STAT4: variants seen among roughly 807,000 people sequenced by gnomAD.
STAT4 encodes the protein signal transducer and activator of transcription 4.
In STAT4, 42 loss-of-function variants were observed where a neutral mutation model predicts 110.5. The ratio of observed to expected loss-of-function variants is 0.38; its 90% CI spans 0.30 to 0.49. STAT4 has a LOEUF of 0.49. Among genes scored for constraint, STAT4 ranks in the 20% least tolerant of loss-of-function variants. The pLI is 0.95. For missense variants in STAT4, 632 were observed against 887.9 expected (o/e 0.71, Z 3.66); for synonymous variants, 284 against 302.2 (o/e 0.94, Z 0.63).
In STAT4 at chr2:191,031,142, C is replaced by G; in HGVS notation, c.2112-62G>C. The G allele has an allele frequency of 1.3e-6, 2 of 1,533,748 alleles. No individual in the cohort carries two copies. Among genetic ancestry groups the G allele is most frequent in the Non-Finnish European group, 1.8e-6 (2 of 1,109,658 alleles). ...AAAAAATAATAATAGTTCACGGTGA[C>G]TTACTATGTCAGGAACTCATTTCTA... On this transcript the variant is annotated intron_variant, in intron 22 of 23. Coordinates refer to ENST00000392320, the MANE Select transcript of STAT4 (RefSeq NM_003151.4). The surrounding 1 kb of genome is among the most constrained non-coding windows in gnomAD (Gnocchi z 4.8).
At chr2:191,148,928 C>T (rs910356065) in intron 1 of STAT4, among the ~76,000 whole-genome samples, 10 of 152,118 alleles carry the variant, frequency 6.6e-5, no homozygotes, top group Non-Finnish European at 1.0e-4. Flanking sequence ...AGTGGTTAAA[C>T]CCTCAAGTTA....
At chr2:191,074,528 C>G (rs1697257655) in intron 4 of STAT4, among the ~76,000 whole-genome samples, 1 of 152,062 alleles carries the variant, frequency 6.6e-6, no homozygotes, top group South Asian at 2.1e-4. Flanking sequence ...AGCATATACT[C>G]AAACAAACAT....
intron 3 of STAT4, among the ~76,000 whole-genome samples, chr2:191,125,596 T>G (rs1698861774): frequency 1.3e-5 from 2 of 151,764 alleles, no homozygotes; most frequent in South Asian, 2.1e-4. Flanking sequence ...TAAGTTATCC[T>G]ACCACCTCAG....
chr2:191,057,602 C>CTTTTTTT (rs112604744), intron 13 of STAT4, among the ~76,000 whole-genome samples: 5 of 98,580 alleles, frequency 5.1e-5, no homozygotes, highest in African/African-American at 7.6e-5. Context: ...TTTTCTTTTT[C>CTTTTTTT]TTTTTTTTTT....
In STAT4 at chr2:191,146,555, TA is replaced by T; in HGVS notation, c.273+57del. ...AATATAAGGGTACATATTTAATTTT[TA>T]ACTAAATTTAAGACTCATATATCCA... On this transcript the variant is annotated intron_variant, in intron 3 of 23. Transcript: ENST00000392320. This position sits in a 1 kb window ranked among gnomAD's most constrained non-coding sequence, Gnocchi z 4.5. 7.6e-7 allele frequency: 1 copy of T among 1,323,176 alleles called. No homozygotes were observed. Among genetic ancestry groups the T allele is most frequent in the Non-Finnish European group, 9.8e-7 (1 of 1,018,294 alleles). 82.0% of individuals were successfully genotyped at this position (1,323,176 alleles called of 1,614,324 possible).
At chr2:191,088,573 A>G (rs1226255605) in intron 3 of STAT4, among the ~76,000 whole-genome samples, 1 of 152,218 alleles carries the variant, frequency 6.6e-6, no homozygotes, top group African/African-American at 2.4e-5. Context: ...TTTTCTGGAT[A>G]ATGACTAATT....
intron 3 of STAT4, among the ~76,000 whole-genome samples, chr2:191,119,915 T>C (rs1698672090): frequency 6.6e-6 from 1 of 152,188 alleles, no homozygotes; most frequent in Non-Finnish European, 1.5e-5. Flanking sequence ...GGGATGATCA[T>C]TTCAAGAAAT....
In STAT4 at chr2:191,150,351, A is replaced by C. The variant is rs1367903021; in HGVS notation, c.-2+596T>G. On this transcript the variant is annotated intron_variant, in intron 1 of 23. Transcript: ENST00000392320. The surrounding 1 kb of genome is among the most constrained non-coding windows in gnomAD (Gnocchi z 6.4). ...CTAGGGGCTACTTCTTTCTCATGAA[A>C]ACTGTGACGTTGCTTCTGAAAACTC... is the stretch of plus-strand genomic sequence containing the variant. Among the ~76,000 whole-genome samples, 2 of 152,080 alleles carry C rather than the reference A, an allele frequency of 1.3e-5. No homozygotes were observed. Among genetic ancestry groups the C allele is most frequent in the Admixed American group, 6.5e-5 (1 of 15,278 alleles).
intron 14 of STAT4, among the ~76,000 whole-genome samples, chr2:191,044,882 A>C (rs1254468760): frequency 6.6e-6 from 1 of 152,244 alleles, no homozygotes; most frequent in Non-Finnish European, 1.5e-5. Flanking sequence ...TAAAAAACTC[A>C]GGGAAACTAT....
chr2:191,063,262 C>A (rs3024925), intron 8 of STAT4, among the ~76,000 whole-genome samples: 1 of 151,946 alleles, frequency 6.6e-6, no homozygotes, highest in Admixed American at 6.6e-5. Context: ...AAAAATGTGG[C>A]GCTCACTAAA....
In STAT4 at chr2:191,107,756, C is replaced by A. The variant is rs1255203247; in HGVS notation, c.274-31431G>T. ...TTTATTTTTTCAACCCAGATTACTA[C>A]CATACCTTCCTGATGTCCTAACGTA... On this transcript the variant is annotated intron_variant, in intron 3 of 23. Transcript: ENST00000392320. The surrounding 1 kb of genome is among the most constrained non-coding windows in gnomAD (Gnocchi z 4.2). Among the ~76,000 whole-genome samples, 1 of 152,130 alleles carries A rather than the reference C, an allele frequency of 6.6e-6. No individual in the cohort carries two copies. Among genetic ancestry groups the A allele is most frequent in the Non-Finnish European group, 1.5e-5 (1 of 68,026 alleles).
At position 191,142,046 on chromosome 2, in the gene STAT4, A is replaced by G. The variant is rs1699349685; in HGVS notation, c.273+4567T>C. ...AAAAAACTAAAAATATAACTACTAT[A>G]GGCTCCAGCAATCCCACTACTAGGT... is the stretch of plus-strand genomic sequence containing the variant. On this transcript the variant is annotated intron_variant, in intron 3 of 23. Coordinates refer to ENST00000392320, the MANE Select transcript of STAT4 (RefSeq NM_003151.4). This position sits in a 1 kb window ranked among gnomAD's most constrained non-coding sequence, Gnocchi z 4.1. 6.6e-6 allele frequency among the ~76,000 whole-genome samples: 1 copy of G among 152,176 alleles called. No homozygotes were observed. The highest frequency in any genetic ancestry group is 2.4e-5 in the African/African-American group (1 of 41,438).
chr2:191,121,687 C>T (rs1212567127), intron 3 of STAT4, among the ~76,000 whole-genome samples: 25 of 150,346 alleles, frequency 1.7e-4, no homozygotes, highest in Admixed American at 2.7e-4. Flanking sequence ...AACCAAACAC[C>T]GCATGTTCTC....
Position 191,116,368 on chromosome 2 carries a change from A to T in STAT4, c.273+30245T>A, listed in dbSNP as rs923742708. 2.0e-5 allele frequency among the ~76,000 whole-genome samples: 3 copies of T among 152,222 alleles called. No homozygotes were observed. The highest frequency in any genetic ancestry group is 7.2e-5 in the African/African-American group (3 of 41,458). On this transcript the variant is annotated intron_variant, in intron 3 of 23. Transcript: ENST00000392320. This position sits in a 1 kb window ranked among gnomAD's most constrained non-coding sequence, Gnocchi z 4.1. ...GGCTGTGCAATTACTTTGCAAGCTA[A>T]AATTTAGATAAAGAAGAATCAGCCT...
rs1698884977 is a variant in STAT4 at position 191,126,517 on chromosome 2, TGTC to T, written c.273+20093_273+20095del. ...CAACAGCTGACTGTGAACACCTTCA[TGTC>T]GTCTTTCTCTACCAGCATCTGTATC... On this transcript the variant is annotated intron_variant, in intron 3 of 23. Transcript: ENST00000392320. Among the ~76,000 whole-genome samples, 4 of 152,228 alleles carry T rather than the reference TGTC, an allele frequency of 2.6e-5. No individual in the cohort carries two copies. The South Asian group carries it at 6.2e-4, about 24-fold the overall frequency.
At chr2:191,072,183 G>A (rs1697179233) in intron 5 of STAT4, among the ~76,000 whole-genome samples, 1 of 152,206 alleles carries the variant, frequency 6.6e-6, no homozygotes, top group Non-Finnish European at 1.5e-5. Flanking sequence ...AAAGGAATTT[G>A]TGCTGGATGC....
upstream of STAT4, chr2:191,151,489 G>A: frequency 1.0e-6 from 1 of 985,540 alleles, no homozygotes; most frequent in Non-Finnish European, 1.2e-6. The surrounding 1 kb of genome is among the most constrained non-coding windows in gnomAD (Gnocchi z 4.7). Context: ...CGCTCACTCC[G>A]ACGAGGGTGA....
chr2:191,092,528 G>A (rs924422934), intron 3 of STAT4, among the ~76,000 whole-genome samples: 1 of 149,614 alleles, frequency 6.7e-6, no homozygotes, highest in Non-Finnish European at 1.5e-5. Flanking sequence ...AAAAAAAAAA[G>A]AATTCTAAGT....
chr2:191,034,857 T>C (rs182661455), intron 17 of STAT4, among the ~76,000 whole-genome samples: 3 of 152,270 alleles, frequency 2.0e-5, no homozygotes, highest in East Asian at 3.9e-4. Context: ...AGGATATGTA[T>C]GGGTAGAATA....
Sources: gnomAD v4.1 joint callset for allele counts (sites outside exome capture counted in the v4.1 genomes callset) on GRCh38, gnomAD v4.1.1 for gene constraint, Gnocchi (gnomAD v3.1) non-coding constraint, MANE v1.5 for transcripts, NCBI Gene and HGNC (gene_info 2026-07-23, HGNC 2026-07-21) for gene names.